The following SHQ1 variants were observed in gnomAD, a reference collection of about 807,000 sequenced individuals.
SHQ1 encodes protein SHQ1 homolog.
Under a neutral mutation model 53.8 loss-of-function variants are expected in SHQ1, and 49 were observed. The observed-to-expected ratio is 0.91, with a 90% CI of 0.72 to 1.16. The LOEUF (loss-of-function observed/expected upper bound fraction) is 1.16. Ranked by LOEUF, SHQ1 falls within the 50% of genes most tolerant of loss-of-function variation. The probability of loss-of-function intolerance (pLI) is 0.00; values close to 1 mark genes in which losing one functional copy is unlikely to be tolerated. For synonymous variants in SHQ1, 243 were observed against 251.0 expected, an observed-to-expected ratio of 0.97 and a Z score of 0.30; for missense variants, 738 against 683.1, an observed-to-expected ratio of 1.08 and a Z score of -0.90.
At chr3:72,787,905 G>T (rs925726227) in intron 10 of SHQ1, among the ~76,000 whole-genome samples, 1 of 152,194 alleles carries the variant, frequency 6.6e-6, no homozygotes, top group African/African-American at 2.4e-5. Context: ...TGGTGCAGAC[G>T]GGGTTTCGCC....
At chr3:72,798,365 T>C (rs1447139878) in intron 9 of SHQ1, among the ~76,000 whole-genome samples, 1 of 152,234 alleles carries the variant, frequency 6.6e-6, no homozygotes, top group African/African-American at 2.4e-5. Context: ...CCAAGAACTC[T>C]TGTTCACTCA....
At position 72,844,400 on chromosome 3, in the gene SHQ1, A is replaced by T. The variant is rs1708268988; in HGVS notation, c.167T>A (p.Val56Glu). ...GGACCCTTGCTCACTTCCATTTTCT[A>T]CAATTCTTCCAGGAAGGGTTAATCT... ...FLRLTLPGRI[V>E]ENGSEQGSYD... The change falls in exon 2 of 11, where the codon GTA becomes GAA. Residue 56 changes from valine to glutamate, a missense_variant. Physicochemically the swap from Val to Glu is moderately radical, Grantham distance 121. Transcript: ENST00000325599. 3 of 1,613,742 alleles carry T rather than the reference A, an allele frequency of 1.9e-6. No individual in the cohort carries two copies. The African/African-American group carries it at 4.0e-5, about 22-fold the overall frequency.
chr3:72,787,633 T>C (rs1365709537), intron 10 of SHQ1, among the ~76,000 whole-genome samples: 1 of 152,224 alleles, frequency 6.6e-6, no homozygotes, highest in Non-Finnish European at 1.5e-5. Flanking sequence ...GGTATTATCA[T>C]GAGTATAAAA....
intron 10 of SHQ1, among the ~76,000 whole-genome samples, chr3:72,784,273 T>C (rs1706160902): frequency 6.6e-6 from 1 of 152,216 alleles, no homozygotes; most frequent in South Asian, 2.1e-4. Context: ...ATTCATATCT[T>C]TATAAAAGGT....
chr3:72,773,379 A>T, intron 10 of SHQ1: 1 of 493,046 alleles, frequency 2.0e-6, no homozygotes, highest in Non-Finnish European at 3.9e-6. Context: ...GACACAGTAC[A>T]TCCCTCAGCC....
chr3:72,750,545 C>G lies in SHQ1; in HGVS notation c.1473G>C (p.Leu491Phe), dbSNP rs1705343796. Residue 491 changes from leucine to phenylalanine, a missense_variant, in exon 11 of 11, where the codon TTG becomes TTC. Leu to Phe is a conservative substitution (Grantham distance 22). Coordinates refer to ENST00000325599, the MANE Select transcript of SHQ1 (RefSeq NM_018130.3). ...KDSPSETVSS[L>F]QGPFLEESSA... is the part of the protein sequence containing the mutation. Reference sequence around the variant, plus strand: ...TGCTTTCTTCAAGAAAGGGACCTTGCAAAGAACTGACTGTCTCAGATGGAC... The same window carrying G: ...TGCTTTCTTCAAGAAAGGGACCTTGGAAAGAACTGACTGTCTCAGATGGAC... 8.7e-6 allele frequency: 14 copies of G among 1,614,182 alleles called. No homozygotes were observed. Among genetic ancestry groups the G allele is most frequent in the East Asian group, 2.2e-5 (1 of 44,894 alleles).
At chr3:72,751,110 TAAATAA>T (rs1292284892) in intron 10 of SHQ1, among the ~76,000 whole-genome samples, 2 of 152,176 alleles carry the variant, frequency 1.3e-5, no homozygotes, top group Non-Finnish European at 2.9e-5. Context: ...TAAATTCAAC[TAAATAA>T]AATCAATTTC....
chr3:72,848,414 C>A lies in SHQ1; in HGVS notation c.-74G>T. The A allele has an allele frequency of 6.3e-7, 1 of 1,585,444 alleles. No homozygotes were observed. Among genetic ancestry groups the A allele is most frequent in the Non-Finnish European group, 8.6e-7 (1 of 1,167,004 alleles). On this transcript the variant is annotated 5_prime_UTR_variant, in exon 1 of 11. Coordinates refer to ENST00000325599, the MANE Select transcript of SHQ1 (RefSeq NM_018130.3). ...CGTTCCCGCCACGCAAACTCTCCAACTCCCCACGCGCAGGAACTCTCGGTG... is the reference window on the plus strand; with the variant it reads ...CGTTCCCGCCACGCAAACTCTCCAAATCCCCACGCGCAGGAACTCTCGGTG...
chr3:72,740,748 T>C, the SHQ1 span, among the ~76,000 whole-genome samples: 1 of 152,110 alleles, frequency 6.6e-6, no homozygotes. Context: ...CATTTCAGAG[T>C]AATGACAGCA....
At chr3:72,726,811 C>T in the SHQ1 span, among the ~76,000 whole-genome samples, 15 of 152,292 alleles carry the variant, frequency 9.8e-5, no homozygotes, top group South Asian at 6.2e-4. Flanking sequence ...ATTACTGCGT[C>T]GGCCCCCTGA....
intron 10 of SHQ1, among the ~76,000 whole-genome samples, chr3:72,765,355 T>C (rs1351071547): frequency 6.6e-6 from 1 of 151,492 alleles, no homozygotes; most frequent in Non-Finnish European, 1.5e-5. Context: ...TCTATGGCAC[T>C]AGCCTCCCAA....
the SHQ1 span, among the ~76,000 whole-genome samples, chr3:72,729,857 G>A: frequency 1.3e-4 from 19 of 151,788 alleles, no homozygotes; most frequent in Non-Finnish European, 2.5e-4. Context: ...TCTCACTGTC[G>A]CCCAGGCTGG....
chr3:72,751,498 G>GTACATATATA (rs1274696079), intron 10 of SHQ1, among the ~76,000 whole-genome samples: 10 of 119,862 alleles, frequency 8.3e-5, no homozygotes, highest in Non-Finnish European at 1.3e-4. Context: ...GTGTGTGTGT[G>GTACATATATA]TGTGTGTGTG....
At chr3:72,841,408 G>A (rs1708176605) in intron 3 of SHQ1, among the ~76,000 whole-genome samples, 1 of 150,616 alleles carries the variant, frequency 6.6e-6, no homozygotes, top group Non-Finnish European at 1.5e-5. Flanking sequence ...ATATTACAGA[G>A]CAATGAAAGC....
intron 10 of SHQ1, among the ~76,000 whole-genome samples, chr3:72,768,516 G>A (rs934099764): frequency 4.6e-5 from 7 of 152,226 alleles, no homozygotes; most frequent in African/African-American, 7.2e-5. Flanking sequence ...CACACAGAGC[G>A]CAGAGCTGTG....
intron 2 of SHQ1, 22 bp from the exon 3 acceptor site, chr3:72,842,424 T>A: frequency 1.2e-6 from 2 of 1,608,872 alleles, no homozygotes; most frequent in Non-Finnish European, 1.7e-6. Flanking sequence ...ATTTGTTTTA[T>A]GCTTAGATTA....
chr3:72,732,346 ATGCCTGCCTGCC>A, the SHQ1 span, among the ~76,000 whole-genome samples: 11 of 118,942 alleles, frequency 9.2e-5, no homozygotes, highest in African/African-American at 3.2e-4. Flanking sequence ...AGCCAGTAAA[ATGCCTGCCTGCC>A]TGCCTGCCTG....
intron 10 of SHQ1, among the ~76,000 whole-genome samples, chr3:72,754,719 C>G (rs1380654415): frequency 1.3e-5 from 2 of 152,136 alleles, no homozygotes; most frequent in Non-Finnish European, 2.9e-5. Flanking sequence ...TTACTTCTTC[C>G]TAACTTGAGC....
chr3:72,732,338 C>T, the SHQ1 span, among the ~76,000 whole-genome samples: 1 of 150,052 alleles, frequency 6.7e-6, no homozygotes, highest in Admixed American at 6.6e-5. Flanking sequence ...GTCATGCAAG[C>T]CAGTAAAATG....
Sources: gnomAD v4.1 joint callset for allele counts (sites outside exome capture counted in the v4.1 genomes callset) on GRCh38, gnomAD v4.1.1 for gene constraint, MANE v1.5 for transcripts, NCBI Gene and HGNC (gene_info 2026-07-23, HGNC 2026-07-21) for gene names.